Variants in TMED7 observed in about 807,000 individuals in gnomAD.
The protein encoded by TMED7 is transmembrane emp24 domain-containing protein 7.
In TMED7, 8 loss-of-function variants were observed where a neutral mutation model predicts 23.4. The ratio of observed to expected loss-of-function variants is 0.34; its 90% CI spans 0.20 to 0.62. TMED7 has a LOEUF of 0.62. Ranked by LOEUF, TMED7 falls within the 20% of genes least tolerant of loss-of-function variation. The pLI is 0.77. For synonymous variants in TMED7, 121 were observed against 108.5 expected (o/e 1.12, Z -0.72); for missense variants, 232 against 279.1 (o/e 0.83, Z 1.20).
Position 115,616,161 on chromosome 5 carries a change from G to C in TMED7, c.*48C>G, listed in dbSNP as rs1756731264. ...TCTTCAGTACCTAAAATTAATTAGA[G>C]GACAGCAATATTACAGTGGCAATGG... On this transcript the variant is annotated 3_prime_UTR_variant, in exon 3 of 3. Coordinates refer to ENST00000456936, the MANE Select transcript of TMED7 (RefSeq NM_181836.6). 6.5e-7 allele frequency: 1 copy of C among 1,550,072 alleles called. No homozygotes were observed. The highest frequency in any genetic ancestry group is 8.9e-7 in the Non-Finnish European group (1 of 1,124,284).
chr5:115,620,403 A>G (rs1343727346), intron 2 of TMED7, 32 bp downstream of exon 2: 3 of 1,462,562 alleles, frequency 2.1e-6, no homozygotes. Flanking sequence ...TTTTAAATAT[A>G]CCAACATTAT....
intron 2 of TMED7, among the ~76,000 whole-genome samples, chr5:115,619,608 A>C (rs1449351916): frequency 6.6e-6 from 1 of 152,096 alleles, no homozygotes; most frequent in African/African-American, 2.4e-5. Context: ...TATCTTTGTG[A>C]TGGAACCCAG....
Position 115,625,913 on chromosome 5 carries a change from T to C in TMED7, c.-121A>G. The C allele has an allele frequency of 1.6e-6, 2 of 1,255,000 alleles. No individual in the cohort carries two copies. Among genetic ancestry groups the C allele is most frequent in the Non-Finnish European group, 2.0e-6 (2 of 992,384 alleles). The allele number at this position is 1,255,000 out of a possible 1,614,324, so 77.7% of individuals were successfully genotyped here. ...CCGCAAAGATACACAGCAGAGCAGG[T>C]TCACGCCTGTGGGAGATTCGGGATC... On this transcript the variant is annotated 5_prime_UTR_variant, in exon 1 of 3. Coordinates refer to ENST00000456936, the MANE Select transcript of TMED7 (RefSeq NM_181836.6).
chr5:115,625,691 G>T lies in TMED7; in HGVS notation c.102C>A (p.Ala34=). The change falls in exon 1 of 3, where the codon GCC becomes GCA. Residue 34 remains alanine, a synonymous_variant. Coordinates refer to ENST00000456936, the MANE Select transcript of TMED7 (RefSeq NM_181836.6). The stretch of plus-strand genomic sequence containing the variant: ...CAGGAAGCTCGAAGGTGATCTCAGA[G>T]GCGCCGCCGGGTCCAGGCACCAGTA... The part of the protein sequence containing the change: ...LLLLVPGPGG[A]SEITFELPDN... The T allele has an allele frequency of 6.2e-7, 1 of 1,602,622 alleles. No individual in the cohort carries two copies. The highest frequency in any genetic ancestry group is 8.5e-7 in the Non-Finnish European group (1 of 1,175,514).
chr5:115,623,379 G>A (rs538163864), intron 1 of TMED7, among the ~76,000 whole-genome samples: 1 of 152,122 alleles, frequency 6.6e-6, no homozygotes, highest in African/African-American at 2.4e-5. Context: ...CTCTGGGTTG[G>A]GGGTGTGGTC....
intron 2 of TMED7, chr5:115,620,097 C>T (rs187699959): frequency 5.7e-6 from 1 of 175,240 alleles, no homozygotes; most frequent in East Asian, 1.5e-4. Context: ...ATGACAGCAA[C>T]ATTCCTTCAG....
chr5:115,624,759 ATCCT>A (rs1757143550), intron 1 of TMED7, among the ~76,000 whole-genome samples: 1 of 152,174 alleles, frequency 6.6e-6, no homozygotes, highest in Non-Finnish European at 1.5e-5. Context: ...TTTATAGCTC[ATCCT>A]TTAAAGTTCA....
rs1375613262 is a variant in TMED7, at chr5:115,616,167, C to G, written c.*42G>C. On this transcript the variant is annotated 3_prime_UTR_variant, in exon 3 of 3. Transcript: ENST00000456936. ...GTACCTAAAATTAATTAGAGGACAG[C>G]AATATTACAGTGGCAATGGTGCATC... 4 of 1,573,384 alleles carry G rather than the reference C, an allele frequency of 2.5e-6. No homozygotes were observed. The highest frequency in any genetic ancestry group is 3.5e-6 in the Non-Finnish European group (4 of 1,144,194).
intron 1 of TMED7, 107 bp from the exon 2 acceptor site, chr5:115,620,787 T>C (rs1757002439): frequency 1.3e-5 from 16 of 1,239,876 alleles, no homozygotes; most frequent in South Asian, 6.4e-5. Context: ...CAAAGGACTT[T>C]TACTATCTTT....
rs1182273289 is a variant in TMED7 at position 115,616,208 on chromosome 5, G to C, written c.*1C>G. On this transcript the variant is annotated 3_prime_UTR_variant, in exon 3 of 3. Transcript: ENST00000456936. ...ATGGTGCATCAATTCTCAAAACGTA[G>C]TTATGATCCAACACGAGTTGTGGTG... is the stretch of plus-strand genomic sequence containing the variant. 1 of 1,613,464 alleles carries C rather than the reference G, an allele frequency of 6.2e-7. No individual in the cohort carries two copies. The highest frequency in any genetic ancestry group is 1.1e-5 in the South Asian group (1 of 91,086).
rs1203093462 is a variant in TMED7, at chr5:115,614,910, A to T, written c.*1299T>A. On this transcript the variant is annotated 3_prime_UTR_variant, in exon 3 of 3. Coordinates refer to ENST00000456936, the MANE Select transcript of TMED7 (RefSeq NM_181836.6). ...TGGGTAGGGAAGAGAGGCACGGCAG[A>T]AAAGCAGTTGCAATTAAAAAAAAAA... The T allele has an allele frequency of 3.3e-5, 5 of 151,894 alleles. 1 individual carries two copies. The highest frequency in any genetic ancestry group is 3.3e-4 in the Admixed American group (5 of 15,252). The allele number at this position is 151,894 out of a possible 1,614,324, so 9.4% of individuals were successfully genotyped here.
rs1376615476 is a variant in TMED7 at position 115,613,633 on chromosome 5, A to T, written c.*2576T>A. 1 of 152,420 alleles carries T rather than the reference A, an allele frequency of 6.6e-6. No homozygotes were observed. The highest frequency in any genetic ancestry group is 1.5e-5 in the Non-Finnish European group (1 of 67,976). 9.4% of individuals were successfully genotyped at this position (152,420 alleles called of 1,614,324 possible). ...TATTAATTTTTTGAAAACAATAGTCATAGGGCCTGCTTTGTCCTATTTAAC... is the reference window on the plus strand; with the variant it reads ...TATTAATTTTTTGAAAACAATAGTCTTAGGGCCTGCTTTGTCCTATTTAAC... On this transcript the variant is annotated 3_prime_UTR_variant, in exon 3 of 3. Transcript: ENST00000456936.
chr5:115,618,024 C>G (rs1756856393), intron 2 of TMED7, among the ~76,000 whole-genome samples: 1 of 152,334 alleles, frequency 6.6e-6, no homozygotes, highest in Non-Finnish European at 1.5e-5. Context: ...TAACTACTGA[C>G]CTCATGATCC....
intron 2 of TMED7, among the ~76,000 whole-genome samples, chr5:115,617,281 A>G (rs1487646841): frequency 1.3e-5 from 2 of 152,340 alleles, no homozygotes; most frequent in African/African-American, 4.8e-5. Context: ...TTTATGCAAC[A>G]AGCCTGTATT....
chr5:115,615,936 G>A lies in TMED7; in HGVS notation c.*273C>T, dbSNP rs1416334191. The A allele has an allele frequency of 1.7e-5, 7 of 405,846 alleles. No homozygotes were observed. The highest frequency in any genetic ancestry group is 3.7e-5 in the South Asian group (1 of 26,714). 25.1% of individuals were successfully genotyped at this position (405,846 alleles called of 1,614,324 possible). Reference sequence around the variant, plus strand: ...ATCAAAATACCAAAGTTTAGTGTGCGAAGAGTAGATATAAACAACTGCGAA... The same window carrying A: ...ATCAAAATACCAAAGTTTAGTGTGCAAAGAGTAGATATAAACAACTGCGAA... On this transcript the variant is annotated 3_prime_UTR_variant, in exon 3 of 3. Coordinates refer to ENST00000456936, the MANE Select transcript of TMED7 (RefSeq NM_181836.6).
intron 1 of TMED7, among the ~76,000 whole-genome samples, chr5:115,623,561 G>A (rs1051858561): frequency 6.6e-5 from 10 of 152,050 alleles, no homozygotes; most frequent in Non-Finnish European, 1.5e-4. Flanking sequence ...TATAACTATA[G>A]TCACAAAACT....
At position 115,620,587 on chromosome 5, in the gene TMED7, A is replaced by G; in HGVS notation, c.286T>C (p.Phe96Leu). 1 of 1,605,856 alleles carries G rather than the reference A, an allele frequency of 6.2e-7. No homozygotes were observed. The highest frequency in any genetic ancestry group is 1.1e-5 in the South Asian group (1 of 89,122). ...CCATTTTTGGAGGCTGTGAAGGTAA[A>G]ACTATCATACTGTTTCTTCATCTCT... ...YKEMKKQYDSFTFTASKNGTY... is the reference protein window; with the variant it reads ...YKEMKKQYDSLTFTASKNGTY... Residue 96 changes from phenylalanine (F) to leucine (L), a missense_variant, in exon 2 of 3, where the codon TTT becomes CTT. Phe to Leu is a conservative substitution (Grantham distance 22). Coordinates refer to ENST00000456936, the MANE Select transcript of TMED7 (RefSeq NM_181836.6).
Position 115,625,949 on chromosome 5 carries a change from T to C in TMED7, c.-157A>G. 1.8e-6 allele frequency: 2 copies of C among 1,084,362 alleles called. No individual in the cohort carries two copies. Among genetic ancestry groups the C allele is most frequent in the Non-Finnish European group, 2.4e-6 (2 of 844,218 alleles). The allele number at this position is 1,084,362 out of a possible 1,614,324, so 67.2% of individuals were successfully genotyped here. On this transcript the variant is annotated 5_prime_UTR_variant, in exon 1 of 3. Transcript: ENST00000456936. The stretch of plus-strand genomic sequence containing the variant: ...GGGAGATTCGGGATCAGAGCGACCC[T>C]CCGGCTTCCTGTGAGGGGCGCAGAC...
chr5:115,623,552 ATAAC>A (rs1268359564), intron 1 of TMED7, among the ~76,000 whole-genome samples: 1 of 152,222 alleles, frequency 6.6e-6, no homozygotes, highest in Non-Finnish European at 1.5e-5. Context: ...ATTAATAAAT[ATAAC>A]TATAGTCACA....
Sources: gnomAD v4.1 joint callset for allele counts (sites outside exome capture counted in the v4.1 genomes callset) on GRCh38, gnomAD v4.1.1 for gene constraint, MANE v1.5 for transcripts, NCBI Gene and HGNC (gene_info 2026-07-23, HGNC 2026-07-21) for gene names.